Variants in LRP1B observed in about 807,000 individuals in gnomAD.
LRP1B encodes the protein LDL receptor related protein 1B, also known as low-density lipoprotein receptor-related protein 1B.
A neutral mutation model predicts 556.6 loss-of-function variants in LRP1B; 217 were observed. The ratio of observed to expected loss-of-function variants is 0.39; its 90% confidence interval spans 0.35 to 0.44. The LOEUF is 0.44. LRP1B is among the 20% of genes least tolerant of loss of function. The pLI, the probability that LRP1B is intolerant of heterozygous loss-of-function variation, is 1.00. For synonymous variants in LRP1B, 2,047 were observed against 1,865.8 expected (o/e 1.10, Z -2.50); for missense variants, 5,053 against 5,620.8 (o/e 0.90, Z 3.23).
At chr2:141,447,303 G>T (rs146898257) in intron 3 of LRP1B, among the ~76,000 whole-genome samples, 1 of 151,946 alleles carries the variant, frequency 6.6e-6, no homozygotes, top group African/African-American at 2.4e-5. Flanking sequence ...ATTCTAGTTA[G>T]CAACTCCTCT....
chr2:141,495,013 C>G (rs1224838690), intron 2 of LRP1B, among the ~76,000 whole-genome samples: 1 of 151,894 alleles, frequency 6.6e-6, no homozygotes, highest in African/African-American at 2.4e-5. Flanking sequence ...AATTGCAATA[C>G]CCCTTTGGGA....
intron 22 of LRP1B, among the ~76,000 whole-genome samples, chr2:140,907,574 A>G (rs1694293156): frequency 6.6e-6 from 1 of 152,178 alleles, no homozygotes; most frequent in African/African-American, 2.4e-5. Flanking sequence ...ATCAACAAAT[A>G]ATCAGTTCAA....
intron 66 of LRP1B, among the ~76,000 whole-genome samples, chr2:140,440,238 C>G (rs943844799): frequency 1.3e-5 from 2 of 151,978 alleles, no homozygotes; most frequent in Non-Finnish European, 2.9e-5. Flanking sequence ...TGGACACAAA[C>G]TGAAATAAAA....
At chr2:140,621,607 G>A (rs1683460485) in intron 41 of LRP1B, among the ~76,000 whole-genome samples, 1 of 152,004 alleles carries the variant, frequency 6.6e-6, no homozygotes, top group South Asian at 2.1e-4. Flanking sequence ...AATGTAGGGA[G>A]CATTAATACA....
Position 141,745,659 on chromosome 2 carries a change from C to T in LRP1B, c.205+64620G>A, listed in dbSNP as rs184216688. Among the ~76,000 whole-genome samples the T allele has an allele frequency of 7.3e-5, 11 of 151,714 alleles. No individual in the cohort carries two copies. The East Asian group carries it at 2.2e-3, about 30-fold the overall frequency. ...TGGAACTGGGTACTCCAAGATCCTG[C>T]TTGGTGCCCTCCCCAACTGTGGTTA... On this transcript the variant is annotated intron_variant, in intron 2 of 90. Coordinates refer to ENST00000389484, the MANE Select transcript of LRP1B (RefSeq NM_018557.3).
intron 77 of LRP1B, among the ~76,000 whole-genome samples, chr2:140,348,053 AGATAT>A (rs1681774733): frequency 2.0e-5 from 3 of 152,168 alleles, no homozygotes; most frequent in African/African-American, 7.2e-5. Context: ...ATAATTAGAT[AGATAT>A]ATGACATGTC....
chr2:141,916,177 T>C (rs1574489820), intron 1 of LRP1B, among the ~76,000 whole-genome samples: 2 of 151,980 alleles, frequency 1.3e-5, no homozygotes, highest in Admixed American at 1.3e-4. Context: ...TCAATCTGGG[T>C]GCTGATGGCT....
chr2:140,576,969 C>CT (rs199605340), intron 43 of LRP1B, among the ~76,000 whole-genome samples: 3 of 151,854 alleles, frequency 2.0e-5, no homozygotes, highest in African/African-American at 4.8e-5. Flanking sequence ...AAACTGATTC[C>CT]TTTTTTTTCA....
At position 140,769,737 on chromosome 2, in the gene LRP1B, T is replaced by C. The variant is rs534633461; in HGVS notation, c.5627-393A>G. ...CATCTCTCAACCAAAATTTATTCCC[T>C]CTTCTTTAAAATCCAAACATCTCTT... On this transcript the variant is annotated intron_variant, in intron 34 of 90. Coordinates refer to ENST00000389484, the MANE Select transcript of LRP1B (RefSeq NM_018557.3). Among the ~76,000 whole-genome samples, 13 of 152,132 alleles carry C rather than the reference T, an allele frequency of 8.5e-5. No homozygotes were observed. The East Asian group carries it at 2.1e-3, about 25-fold the overall frequency.
intron 3 of LRP1B, among the ~76,000 whole-genome samples, chr2:141,327,232 C>A (rs1234695761): frequency 1.3e-5 from 2 of 152,024 alleles, no homozygotes; most frequent in Non-Finnish European, 2.9e-5. Flanking sequence ...AATTGAGTTA[C>A]CTGAAGGACA....
At position 141,785,634 on chromosome 2, in the gene LRP1B, G is replaced by A. The variant is rs1039491873; in HGVS notation, c.205+24645C>T. On this transcript the variant is annotated intron_variant, in intron 2 of 90. Transcript: ENST00000389484. Reference sequence around the variant, plus strand: ...AGAGTGTTAGCATGTCCAAAAAACGGAAAAGATATATTTTCCTTCACATCT... The same window carrying A: ...AGAGTGTTAGCATGTCCAAAAAACGAAAAAGATATATTTTCCTTCACATCT... Among the ~76,000 whole-genome samples, 2 of 151,112 alleles carry A rather than the reference G, an allele frequency of 1.3e-5. 1 individual carries two copies. The highest frequency in any genetic ancestry group is 3.9e-4 in the East Asian group (2 of 5,124).
rs768054323 is a variant in LRP1B, at chr2:141,480,475, G to T, written c.264C>A (p.Asn88Lys). The T allele has an allele frequency of 2.3e-5, 37 of 1,613,944 alleles. No homozygotes were observed. The highest frequency in any genetic ancestry group is 3.1e-5 in the Non-Finnish European group (36 of 1,179,900). The change falls in exon 3 of 91, where the codon AAC becomes AAA. Residue 88 changes from asparagine (N) to lysine (K), a missense_variant. Asn to Lys is a moderately conservative substitution (Grantham distance 94). Around this residue, in one of 5 missense-constraint regions of LRP1B, gnomAD observed 3,619 missense variants for 3,931.9 expected, o/e 0.92. Transcript: ENST00000389484. ...ACAGCTGGGATAAATGAACACATTTGTTGGTACCAAGGCAAGCAATGTGAT... is the reference window on the plus strand; with the variant it reads ...ACAGCTGGGATAAATGAACACATTTTTTGGTACCAAGGCAAGCAATGTGAT... ...PLNHIACLGT[N>K]KCVHLSQLCN...
At chr2:142,055,432 AG>A (rs1704633680) in intron 1 of LRP1B, among the ~76,000 whole-genome samples, 1 of 152,190 alleles carries the variant, frequency 6.6e-6, no homozygotes, top group African/African-American at 2.4e-5. Flanking sequence ...TTAAGAGAAA[AG>A]AAAAATGTAA....
intron 1 of LRP1B, among the ~76,000 whole-genome samples, chr2:141,831,025 T>A (rs945851719): frequency 3.3e-5 from 5 of 151,828 alleles, no homozygotes; most frequent in African/African-American, 1.2e-4. Flanking sequence ...ACTTTTCTTA[T>A]GAAATTCCCT....
chr2:140,330,050 A>C (rs1222073008), intron 79 of LRP1B, among the ~76,000 whole-genome samples: 1 of 151,646 alleles, frequency 6.6e-6, no homozygotes, highest in African/African-American at 2.4e-5. Flanking sequence ...AAATACAAAA[A>C]TTAGCTGGGC....
At chr2:141,099,784 T>C (rs949241134) in intron 7 of LRP1B, among the ~76,000 whole-genome samples, 7 of 152,294 alleles carry the variant, frequency 4.6e-5, no homozygotes, top group Middle Eastern at 3.4e-3. Flanking sequence ...ATATAGGAAA[T>C]CTGGTGTATT....
intron 22 of LRP1B, among the ~76,000 whole-genome samples, chr2:140,904,322 T>C (rs1559185423): frequency 6.6e-6 from 1 of 152,250 alleles, no homozygotes; most frequent in East Asian, 1.9e-4. Flanking sequence ...GAAATAAGGC[T>C]GAAAGAAGCT....
intron 7 of LRP1B, among the ~76,000 whole-genome samples, chr2:141,131,986 C>CT (rs1701370758): frequency 6.6e-6 from 1 of 151,990 alleles, no homozygotes; most frequent in South Asian, 2.1e-4. Context: ...CCTTCACCCC[C>CT]TTCCCACTCT....
At chr2:140,369,370 A>C (rs1276463425) in intron 71 of LRP1B, among the ~76,000 whole-genome samples, 1 of 151,900 alleles carries the variant, frequency 6.6e-6, no homozygotes, top group Non-Finnish European at 1.5e-5. Context: ...GAAGCTGAGC[A>C]ATAGAGGTGA....
Sources: gnomAD v4.1 joint callset for allele counts (sites outside exome capture counted in the v4.1 genomes callset) on GRCh38, gnomAD v4.1.1 for gene constraint, gnomAD v4.1.1 regional missense constraint, MANE v1.5 for transcripts, NCBI Gene and HGNC (gene_info 2026-07-23, HGNC 2026-07-21) for gene names.